Variants in PPP1R12A observed in about 807,000 individuals in gnomAD.
PPP1R12A encodes the protein protein phosphatase 1 regulatory subunit 12A.
A neutral mutation model predicts 139.6 loss-of-function variants in PPP1R12A; 19 were observed. The ratio of observed to expected loss-of-function variants is 0.14; its 90% CI spans 0.09 to 0.20. The LOEUF is 0.20. Ranked by LOEUF, PPP1R12A falls within the 10% of genes least tolerant of loss-of-function variation. The probability of loss-of-function intolerance (pLI) is 1.00; values close to 1 mark genes in which losing one functional copy is unlikely to be tolerated. For synonymous variants in PPP1R12A, 427 were observed against 420.6 expected, an observed-to-expected ratio of 1.02 and a Z score of -0.19; for missense variants, 925 against 1,211.5, an observed-to-expected ratio of 0.76 and a Z score of 3.51.
At chr12:79,846,415 C>T (rs1022299413) in intron 2 of PPP1R12A, among the ~76,000 whole-genome samples, 1 of 149,978 alleles carries the variant, frequency 6.7e-6, no homozygotes, top group Non-Finnish European at 1.5e-5. Flanking sequence ...ATCTATTACC[C>T]AAGTCAATTT....
chr12:79,825,397 C>G (rs913642244), intron 5 of PPP1R12A: 5 of 151,784 alleles, frequency 3.3e-5, no homozygotes, highest in African/African-American at 1.2e-4. Flanking sequence ...TCTAGTAAAG[C>G]AATTATTTTA....
At chr12:79,861,862 T>C (rs1415510802) in intron 2 of PPP1R12A, among the ~76,000 whole-genome samples, 1 of 152,050 alleles carries the variant, frequency 6.6e-6, no homozygotes, top group Admixed American at 6.6e-5. Flanking sequence ...ACTGACTCTC[T>C]TGAATCCACT....
At chr12:79,891,386 A>G (rs1020172602) in intron 1 of PPP1R12A, among the ~76,000 whole-genome samples, 2 of 152,156 alleles carry the variant, frequency 1.3e-5, no homozygotes, top group Admixed American at 1.3e-4. Context: ...CTGAACATTT[A>G]GATGGGGGCA....
rs570800193 is a variant in PPP1R12A at position 79,778,200 on chromosome 12, A to C, written c.3006+350T>G. ...TACTCGCCAAAAAACATGAAAGTATATAGAAACATAAAGAATAAATAATAA... is the reference window on the plus strand; with the variant it reads ...TACTCGCCAAAAAACATGAAAGTATCTAGAAACATAAAGAATAAATAATAA... On this transcript the variant is annotated intron_variant, in intron 24 of 24. Coordinates refer to ENST00000450142, the MANE Select transcript of PPP1R12A (RefSeq NM_002480.3). Among the ~76,000 whole-genome samples, 318 of 148,918 alleles carry C rather than the reference A, an allele frequency of 2.1e-3. 1 individual carries two copies. Among genetic ancestry groups the C allele is most frequent in the African/African-American group, 7.8e-3 (299 of 38,312 alleles).
chr12:79,879,126 T>A (rs1883387960), intron 1 of PPP1R12A, among the ~76,000 whole-genome samples: 1 of 152,126 alleles, frequency 6.6e-6, no homozygotes, highest in African/African-American at 2.4e-5. Flanking sequence ...ATGCCTATAA[T>A]CCCAACACCT....
chr12:79,843,403 C>T (rs1410295150), intron 3 of PPP1R12A, among the ~76,000 whole-genome samples: 1 of 151,738 alleles, frequency 6.6e-6, no homozygotes, highest in Non-Finnish European at 1.5e-5. Context: ...CGGTAAAACC[C>T]CATCTCTACT....
intron 1 of PPP1R12A, among the ~76,000 whole-genome samples, chr12:79,916,183 T>G (rs1054377477): frequency 3.3e-5 from 5 of 151,918 alleles, no homozygotes; most frequent in African/African-American, 1.2e-4. Context: ...AAACAACAAA[T>G]GTACCTATAA....
intron 5 of PPP1R12A, among the ~76,000 whole-genome samples, chr12:79,827,842 T>C (rs757073666): frequency 3.9e-5 from 6 of 152,156 alleles, no homozygotes; most frequent in Non-Finnish European, 8.8e-5. Context: ...TTTATAGTTA[T>C]ATTTACTGTC....
chr12:79,927,733 T>C (rs1365292611), intron 1 of PPP1R12A, among the ~76,000 whole-genome samples: 1 of 152,210 alleles, frequency 6.6e-6, no homozygotes, highest in Non-Finnish European at 1.5e-5. Context: ...GTTGTGAAAA[T>C]TAAACTATTG....
intron 2 of PPP1R12A, among the ~76,000 whole-genome samples, chr12:79,869,288 A>G (rs1413923890): frequency 6.6e-6 from 1 of 152,250 alleles, no homozygotes; most frequent in African/African-American, 2.4e-5. Flanking sequence ...CTGTAATCTG[A>G]CATTCTTTGT....
intron 8 of PPP1R12A, among the ~76,000 whole-genome samples, chr12:79,817,849 T>C (rs964051407): frequency 6.6e-6 from 1 of 152,214 alleles, no homozygotes; most frequent in Non-Finnish European, 1.5e-5. Context: ...GCAATGTAAC[T>C]AAAACCTTAA....
intron 1 of PPP1R12A, among the ~76,000 whole-genome samples, chr12:79,877,914 TA>T (rs1449980626): frequency 1.3e-5 from 2 of 152,172 alleles, no homozygotes; most frequent in African/African-American, 2.4e-5. Flanking sequence ...TATAAGAATA[TA>T]AAACCCTACT....
At chr12:79,934,209 T>C (rs1268425521) in intron 1 of PPP1R12A, among the ~76,000 whole-genome samples, 6 of 152,310 alleles carry the variant, frequency 3.9e-5, no homozygotes, top group African/African-American at 1.4e-4. Flanking sequence ...TCATCATTTG[T>C]AATCAAGTCC....
chr12:79,850,986 CCT>C (rs1191172016), intron 2 of PPP1R12A, among the ~76,000 whole-genome samples: 2 of 152,114 alleles, frequency 1.3e-5, no homozygotes, highest in Non-Finnish European at 2.9e-5. Flanking sequence ...CATAAATTAC[CCT>C]GTCTCAGGTA....
At chr12:79,844,814 C>A (rs961936025) in intron 3 of PPP1R12A, among the ~76,000 whole-genome samples, 1 of 152,196 alleles carries the variant, frequency 6.6e-6, no homozygotes, top group Non-Finnish European at 1.5e-5. Flanking sequence ...TCTTCCTCTG[C>A]TCTGCCTCTA....
At chr12:79,799,445 C>T (rs183414430) in intron 14 of PPP1R12A, among the ~76,000 whole-genome samples, 11 of 152,292 alleles carry the variant, frequency 7.2e-5, no homozygotes, top group Admixed American at 2.0e-4. Context: ...CCACCGCGCC[C>T]GGTCTCCCTG....
intron 2 of PPP1R12A, among the ~76,000 whole-genome samples, chr12:79,857,993 C>G (rs1022155852): frequency 6.6e-6 from 1 of 152,106 alleles, no homozygotes; most frequent in African/African-American, 2.4e-5. Context: ...TATTAGTATA[C>G]AAGGATATAA....
At chr12:79,792,127 T>C (rs973972155) in intron 19 of PPP1R12A, among the ~76,000 whole-genome samples, 4 of 152,210 alleles carry the variant, frequency 2.6e-5, no homozygotes, top group African/African-American at 9.6e-5. Flanking sequence ...ACCACTGTTA[T>C]CTAACCAACC....
At chr12:79,793,993 A>T (rs1312607413) in intron 18 of PPP1R12A, 65 bp from the exon 19 acceptor site, 5 of 1,256,660 alleles carry the variant, frequency 4.0e-6, no homozygotes, top group Non-Finnish European at 5.4e-6. Context: ...TTTATTTTTT[A>T]AAATTATTTT....
Sources: gnomAD v4.1 joint callset for allele counts (sites outside exome capture counted in the v4.1 genomes callset) on GRCh38, gnomAD v4.1.1 for gene constraint, MANE v1.5 for transcripts, NCBI Gene and HGNC (gene_info 2026-07-23, HGNC 2026-07-21) for gene names.